The following COG6 variants were observed in gnomAD, a reference collection of about 807,000 sequenced individuals.
The protein encoded by COG6 is component of oligomeric golgi complex 6.
In COG6, 74 loss-of-function variants were observed where a neutral mutation model predicts 88.8. That is an observed-to-expected ratio of 0.83 (90% CI 0.69 to 1.01). The LOEUF is 1.01. COG6 is among the 50% of genes least tolerant of loss of function. The probability of loss-of-function intolerance (pLI) is 0.00; values close to 1 mark genes in which losing one functional copy is unlikely to be tolerated. For missense variants in COG6, 800 were observed against 797.9 expected (o/e 1.00, Z -0.03); for synonymous variants, 286 against 278.7 (o/e 1.03, Z -0.26).
At chr13:39,775,615 C>A (rs1167158708) in intron 18 of COG6, among the ~76,000 whole-genome samples, 1 of 152,154 alleles carries the variant, frequency 6.6e-6, no homozygotes, top group Non-Finnish European at 1.5e-5. Context: ...CATCCTGTGA[C>A]CTTGCTTGAG....
At chr13:39,714,174 G>A (rs1457143143) in intron 13 of COG6, among the ~76,000 whole-genome samples, 4 of 151,266 alleles carry the variant, frequency 2.6e-5, no homozygotes, top group Non-Finnish European at 5.9e-5. Flanking sequence ...TACATCATTG[G>A]TCTTCTGTTT....
chr13:39,696,979 A>G (rs769320821), intron 12 of COG6, among the ~76,000 whole-genome samples: 4 of 147,388 alleles, frequency 2.7e-5, no homozygotes, highest in South Asian at 2.2e-4. Context: ...AGAGTGAGGT[A>G]TGAGGAGTCA....
intron 17 of COG6, 117 bp from the exon 18 acceptor site, chr13:39,727,351 GT>G (rs1879185137): frequency 9.0e-6 from 7 of 775,816 alleles, no homozygotes; most frequent in Non-Finnish European, 1.4e-5. Context: ...CAACAATCTA[GT>G]TATTTAGAGT....
chr13:39,676,716 A>T (rs113586306), intron 4 of COG6, among the ~76,000 whole-genome samples: 45 of 152,220 alleles, frequency 3.0e-4, no homozygotes, highest in African/African-American at 1.1e-3. Flanking sequence ...ATTGCTAGTG[A>T]AATACTTTTA....
chr13:39,759,819 AT>A (rs1462884067), intron 18 of COG6, among the ~76,000 whole-genome samples: 1 of 152,218 alleles, frequency 6.6e-6, no homozygotes, highest in East Asian at 1.9e-4. Flanking sequence ...TGACAATTTA[AT>A]AAGTAAAAAT....
At chr13:39,691,159 A>G (rs1268156730) in intron 11 of COG6, among the ~76,000 whole-genome samples, 1 of 151,818 alleles carries the variant, frequency 6.6e-6, no homozygotes, top group South Asian at 2.1e-4. Flanking sequence ...TTTAAAAAGT[A>G]ATTTTATAAA....
chr13:39,741,977 C>T (rs1880067892), intron 18 of COG6, among the ~76,000 whole-genome samples: 1 of 152,130 alleles, frequency 6.6e-6, no homozygotes, highest in Non-Finnish European at 1.5e-5. Flanking sequence ...GAATTTTCAA[C>T]CTAGAATTTC....
intron 5 of COG6, among the ~76,000 whole-genome samples, chr13:39,678,312 G>A (rs1053049933): frequency 6.6e-6 from 1 of 152,080 alleles, no homozygotes; most frequent in Non-Finnish European, 1.5e-5. Flanking sequence ...GAGCTCAAGC[G>A]ATGTGCCTAC....
chr13:39,694,300 A>G (rs1430234768), intron 11 of COG6, among the ~76,000 whole-genome samples: 1 of 151,830 alleles, frequency 6.6e-6, no homozygotes, highest in Non-Finnish European at 1.5e-5. Context: ...TAGGGATGTA[A>G]CAGTTGCCTT....
intron 8 of COG6, among the ~76,000 whole-genome samples, chr13:39,685,564 C>T (rs569904955): frequency 5.3e-5 from 8 of 152,176 alleles, no homozygotes; most frequent in Non-Finnish European, 8.8e-5. Context: ...GTCCTAGAAA[C>T]AAATTATGCT....
intron 5 of COG6, among the ~76,000 whole-genome samples, chr13:39,678,919 G>GTTA (rs72397423): frequency 2.7e-5 from 4 of 150,900 alleles, no homozygotes; most frequent in Non-Finnish European, 3.0e-5. Context: ...GAAAATGAGG[G>GTTA]TTATTATTAT....
At chr13:39,656,862 T>C (rs541808596) in intron 1 of COG6, 317 of 456,052 alleles carry the variant, frequency 7.0e-4, no homozygotes, top group Admixed American at 1.3e-3. Context: ...CTCATGGTTG[T>C]TATTTGAGGA....
intron 15 of COG6, among the ~76,000 whole-genome samples, chr13:39,721,175 G>A (rs935489667): frequency 1.2e-4 from 19 of 152,002 alleles, no homozygotes; most frequent in Non-Finnish European, 2.6e-4. Flanking sequence ...GATATGTCAG[G>A]TGTTTATCAA....
intron 13 of COG6, among the ~76,000 whole-genome samples, 173 bp from the exon 14 acceptor site, chr13:39,719,063 C>T (rs190884034): frequency 1.3e-5 from 2 of 152,232 alleles, no homozygotes; most frequent in East Asian, 3.9e-4. Context: ...ACTTTTCTCT[C>T]ACTTTGTGTG....
intron 13 of COG6, among the ~76,000 whole-genome samples, chr13:39,706,476 G>A (rs1358952733): frequency 6.6e-6 from 1 of 151,390 alleles, no homozygotes; most frequent in Non-Finnish European, 1.5e-5. Flanking sequence ...GAAGTTGTAG[G>A]AACAGCTTTT....
intron 3 of COG6, 34 bp downstream of exon 3, chr13:39,660,915 C>G: frequency 2.4e-6 from 3 of 1,228,936 alleles, no homozygotes; most frequent in Non-Finnish European, 3.6e-6. Context: ...GGCATAGTTC[C>G]TGATATAAAC....
In COG6 at chr13:39,655,760, T is replaced by G; in HGVS notation, c.34T>G (p.Ser12Ala). 6.3e-7 allele frequency: 1 copy of G among 1,593,464 alleles called. No individual in the cohort carries two copies. The highest frequency in any genetic ancestry group is 8.5e-7 in the Non-Finnish European group (1 of 1,170,228). ...AEGSGEVVAV[S>A]ATGAANGLNN... ...GGGCAGCGGGGAAGTGGTCGCAGTGTCTGCGACCGGGGCTGCCAACGGCCT... is the reference window on the plus strand; with the variant it reads ...GGGCAGCGGGGAAGTGGTCGCAGTGGCTGCGACCGGGGCTGCCAACGGCCT... Residue 12 changes from serine to alanine, a missense_variant, in exon 1 of 19, where the codon TCT becomes GCT. Physicochemically the swap from Ser to Ala is moderately conservative, Grantham distance 99. Transcript: ENST00000455146.
chr13:39,764,923 C>A (rs1053408232), intron 18 of COG6, among the ~76,000 whole-genome samples: 1 of 152,066 alleles, frequency 6.6e-6, no homozygotes, highest in African/African-American at 2.4e-5. Flanking sequence ...TTTTAATCTG[C>A]ATAGTGTATC....
chr13:39,783,550 T>C (rs760424191), intron 18 of COG6, among the ~76,000 whole-genome samples: 13 of 152,258 alleles, frequency 8.5e-5, no homozygotes, highest in Admixed American at 2.0e-4. Context: ...ATCTTTTTTA[T>C]TTTAAAATGA....
Sources: gnomAD v4.1 joint callset for allele counts (sites outside exome capture counted in the v4.1 genomes callset) on GRCh38, gnomAD v4.1.1 for gene constraint, MANE v1.5 for transcripts, NCBI Gene and HGNC (gene_info 2026-07-23, HGNC 2026-07-21) for gene names.